Variants in DIP2C observed in about 807,000 individuals in gnomAD.
DIP2C encodes the protein DIP2 acetate--CoA ligase C (putative), also known as disco-interacting protein 2 homolog C.
In DIP2C, 33 loss-of-function variants were observed where a neutral mutation model predicts 192.4. The observed-to-expected ratio is 0.17, with a 90% CI of 0.13 to 0.23. The LOEUF is 0.23. Among genes scored for constraint, DIP2C ranks in the 10% least tolerant of loss-of-function variants. The pLI is 1.00. For synonymous variants in DIP2C, 979 were observed against 864.1 expected (o/e 1.13, Z -2.33); for missense variants, 1,537 against 2,110.1 (o/e 0.73, Z 5.32).
chr10:428,072 TAAG>T (rs1434206158), intron 4 of DIP2C, among the ~76,000 whole-genome samples: 1 of 152,044 alleles, frequency 6.6e-6, no homozygotes, highest in Admixed American at 6.5e-5. Flanking sequence ...AATTCAACAA[TAAG>T]AAGGAATAAA....
chr10:337,656 G>A (rs940084377), intron 29 of DIP2C, among the ~76,000 whole-genome samples: 7 of 131,112 alleles, frequency 5.3e-5, no homozygotes, highest in South Asian at 2.6e-4. Context: ...GGCGTAGGCC[G>A]GTGTGTGTAC....
intron 1 of DIP2C, among the ~76,000 whole-genome samples, chr10:547,195 C>T (rs1025479076): frequency 6.6e-6 from 1 of 152,190 alleles, no homozygotes; most frequent in African/African-American, 2.4e-5. Context: ...TTGCTCTCAC[C>T]CACACAATAA....
chr10:684,016 C>T (rs1200174987), intron 1 of DIP2C, among the ~76,000 whole-genome samples: 1 of 152,242 alleles, frequency 6.6e-6, no homozygotes, highest in African/African-American at 2.4e-5. Flanking sequence ...GCGCGTGGCT[C>T]GGGCCCCTAA....
At chr10:454,324 A>T (rs1451118601) in intron 3 of DIP2C, among the ~76,000 whole-genome samples, 1 of 152,200 alleles carries the variant, frequency 6.6e-6, no homozygotes, top group African/African-American at 2.4e-5. Context: ...GGTTAACTAA[A>T]ATACATTTAA....
intron 29 of DIP2C, among the ~76,000 whole-genome samples, chr10:340,051 G>A (rs1186081387): frequency 1.3e-5 from 2 of 152,114 alleles, no homozygotes; most frequent in East Asian, 3.9e-4. Flanking sequence ...CGTGGTGGCA[G>A]GCACCTCTAA....
chr10:392,828 AC>A (rs1259950587), intron 10 of DIP2C, among the ~76,000 whole-genome samples: 6 of 148,750 alleles, frequency 4.0e-5, no homozygotes, highest in Non-Finnish European at 8.8e-5. Flanking sequence ...ACACACACAC[AC>A]ACGCCCACGC....
intron 26 of DIP2C, among the ~76,000 whole-genome samples, chr10:347,288 CG>C (rs1958525304): frequency 8.9e-6 from 1 of 112,460 alleles, no homozygotes; most frequent in Non-Finnish European, 1.8e-5. Context: ...ATAGTTCTCC[CG>C]GGAACCCCAC....
chr10:670,055 G>A (rs1469308717), intron 1 of DIP2C, among the ~76,000 whole-genome samples: 4 of 152,212 alleles, frequency 2.6e-5, no homozygotes, highest in Non-Finnish European at 1.5e-5. Context: ...CAGCCTGTAT[G>A]AAAGGAAAAG....
At chr10:289,372 A>T (rs1449809787) in intron 32 of DIP2C, among the ~76,000 whole-genome samples, 1 of 152,102 alleles carries the variant, frequency 6.6e-6, no homozygotes, top group African/African-American at 2.4e-5. Context: ...GGCCTCAAGC[A>T]ATCCTCCCAC....
intron 2 of DIP2C, among the ~76,000 whole-genome samples, chr10:476,330 G>A (rs1035660205): frequency 2.0e-5 from 3 of 152,208 alleles, no homozygotes; most frequent in Non-Finnish European, 2.9e-5. Flanking sequence ...GAGATCCCAT[G>A]CCTGCGGTCG....
At chr10:442,872 C>G (rs1967859932) in intron 3 of DIP2C, among the ~76,000 whole-genome samples, 1 of 152,170 alleles carries the variant, frequency 6.6e-6, no homozygotes, top group Non-Finnish European at 1.5e-5. Context: ...ATGATCCAAT[C>G]CAGGATCATG....
At chr10:595,409 T>G (rs1351534394) in intron 1 of DIP2C, among the ~76,000 whole-genome samples, 2 of 152,176 alleles carry the variant, frequency 1.3e-5, no homozygotes, top group Non-Finnish European at 2.9e-5. Flanking sequence ...GACCACAACC[T>G]TTTGTGAAAC....
chr10:623,139 G>A lies in DIP2C; in HGVS notation c.85+66355C>T, dbSNP rs1017411416. On this transcript the variant is annotated intron_variant, in intron 1 of 36. Transcript: ENST00000280886. ...CCAGTGAGGTGGCTGCACGGAGCACGCGTGTGAAGATTCAGGAGCACGAGC... is the reference window on the plus strand; with the variant it reads ...CCAGTGAGGTGGCTGCACGGAGCACACGTGTGAAGATTCAGGAGCACGAGC... Among the ~76,000 whole-genome samples the A allele has an allele frequency of 5.9e-5, 9 of 152,270 alleles. No individual in the cohort carries two copies. In the East Asian group the frequency reaches 7.8e-4, roughly 13 times the overall value.
In DIP2C at chr10:362,689, C is replaced by T. The variant is rs140416998; in HGVS notation, c.2595G>A (p.Ala865=). The change falls in exon 22 of 37, where the codon GCG becomes GCA. Residue 865 remains alanine (A), a splice_region_variant and synonymous_variant. Transcript: ENST00000280886. ...CTCCAACTTGATGTATACTGTCAATCGCCTAGAAAGTTAATAAAGAGGAAA... is the reference window on the plus strand; with the variant it reads ...CTCCAACTTGATGTATACTGTCAATTGCCTAGAAAGTTAATAAAGAGGAAA... ...SFQWMSRVLQ[A]IDSIHQVGVY... The T allele has an allele frequency of 1.6e-5, 26 of 1,604,198 alleles. No homozygotes were observed. The highest frequency in any genetic ancestry group is 2.7e-5 in the African/African-American group (2 of 74,508).
intron 1 of DIP2C, among the ~76,000 whole-genome samples, chr10:489,284 C>T (rs776185289): frequency 6.6e-6 from 1 of 152,232 alleles, no homozygotes; most frequent in Non-Finnish European, 1.5e-5. Flanking sequence ...CATGAGCAAA[C>T]CTTCTAGCAG....
intron 8 of DIP2C, among the ~76,000 whole-genome samples, chr10:412,073 G>A (rs1369092009): frequency 1.3e-5 from 2 of 152,226 alleles, no homozygotes; most frequent in African/African-American, 2.4e-5. Context: ...TGAATATTCA[G>A]TCTGTGTCTT....
rs370197577 is a variant in DIP2C at position 619,511 on chromosome 10, T to TGCCAGGGCCAGG, written c.85+69971_85+69982dup. ...CAGAATATCGGGAGCACAGGCTTTA[T>TGCCAGGGCCAGG]GCCAGGGCCAGGACCAAGCCCGCCC... On this transcript the variant is annotated intron_variant, in intron 1 of 36. Transcript: ENST00000280886. Among the ~76,000 whole-genome samples, 551 of 119,238 alleles carry TGCCAGGGCCAGG rather than the reference T, an allele frequency of 4.6e-3. 6 individuals are homozygous for TGCCAGGGCCAGG. The highest frequency in any genetic ancestry group is 0.015 in the African/African-American group (422 of 28,272). The allele number at this position is 119,238 out of a possible 152,430, so 78.2% of individuals were successfully genotyped here.
chr10:416,837 C>A (rs970295480), intron 6 of DIP2C, among the ~76,000 whole-genome samples: 1 of 152,138 alleles, frequency 6.6e-6, no homozygotes, highest in East Asian at 1.9e-4. Context: ...TGGGCTTGGA[C>A]GGTGCAGGGG....
Position 277,442 on chromosome 10 carries a change from G to C in DIP2C, c.4554C>G (p.Val1518=). 2 of 1,614,120 alleles carry C rather than the reference G, an allele frequency of 1.2e-6. No homozygotes were observed. Among genetic ancestry groups the C allele is most frequent in the South Asian group, 1.1e-5 (1 of 91,074 alleles). The change falls in exon 37 of 37, where the codon GTC becomes GTG. Residue 1518 remains valine, a synonymous_variant. Coordinates refer to ENST00000280886, the MANE Select transcript of DIP2C (RefSeq NM_014974.3). ...EEHYLIVGVV[V]VVDIGVIPIN... ...TGGGGATGACGCCGATGTCCACCAC[G>C]ACCACCACTCCGACGATCAGGTAGT... is the stretch of plus-strand genomic sequence containing the variant.
Sources: gnomAD v4.1 joint callset for allele counts (sites outside exome capture counted in the v4.1 genomes callset) on GRCh38, gnomAD v4.1.1 for gene constraint, MANE v1.5 for transcripts, NCBI Gene and HGNC (gene_info 2026-07-23, HGNC 2026-07-21) for gene names.